Variants in OTUD7A observed in about 807,000 individuals in gnomAD.
The protein encoded by OTUD7A is OTU deubiquitinase 7A.
In OTUD7A, 12 loss-of-function variants were observed where a neutral mutation model predicts 65.7. The ratio of observed to expected loss-of-function variants is 0.18; its 90% CI spans 0.12 to 0.30. OTUD7A has a LOEUF of 0.30. Ranked by LOEUF, OTUD7A falls within the 10% of genes least tolerant of loss-of-function variation. The probability of loss-of-function intolerance (pLI) is 1.00; values close to 1 mark genes in which losing one functional copy is unlikely to be tolerated. For missense variants in OTUD7A, 1,148 were observed against 1,304.8 expected, an observed-to-expected ratio of 0.88 and a Z score of 1.85; for synonymous variants, 641 against 586.3, an observed-to-expected ratio of 1.09 and a Z score of -1.35.
intron 3 of OTUD7A, among the ~76,000 whole-genome samples, chr15:31,601,606 A>C (rs1050455705): frequency 6.6e-6 from 1 of 152,178 alleles, no homozygotes; most frequent in African/African-American, 2.4e-5. Context: ...AAAAACTAAG[A>C]TCAGAGCAGA....
intron 1 of OTUD7A, among the ~76,000 whole-genome samples, chr15:31,772,251 CAAAA>C (rs34676002): frequency 1.2e-5 from 1 of 80,688 alleles, no homozygotes. Context: ...GACTCCGTCT[CAAAA>C]AAAAAAAAAA....
intron 1 of OTUD7A, among the ~76,000 whole-genome samples, chr15:31,743,918 G>C (rs1048713969): frequency 2.0e-5 from 3 of 151,978 alleles, no homozygotes; most frequent in African/African-American, 7.3e-5. Flanking sequence ...CAGCATCACA[G>C]ATGAAGGAGG....
rs147658553 is a variant in OTUD7A at position 31,845,860 on chromosome 15, G to A, written c.-100+24647C>T. The stretch of plus-strand genomic sequence containing the variant: ...CAATCCACAGACCCGTTGGGGGTTG[G>A]TGGCTCCCCCATGCAGGAGGAGGTC... On this transcript the variant is annotated intron_variant, in intron 1 of 12. Coordinates refer to ENST00000307050, the MANE Select transcript of OTUD7A (RefSeq NM_001382637.1). 3.3e-4 allele frequency among the ~76,000 whole-genome samples: 50 copies of A among 152,342 alleles called. No individual in the cohort carries two copies. In the South Asian group the frequency reaches 5.6e-3, roughly 17 times the overall value.
intron 8 of OTUD7A, among the ~76,000 whole-genome samples, chr15:31,518,997 A>G (rs2041901985): frequency 6.6e-6 from 1 of 152,260 alleles, no homozygotes; most frequent in Non-Finnish European, 1.5e-5. Context: ...TAGGCTCTGA[A>G]AGACCTTCTA....
In OTUD7A at chr15:31,601,611, A is replaced by T. The variant is rs1008591909; in HGVS notation, c.152-31414T>A. Among the ~76,000 whole-genome samples, 3 of 152,220 alleles carry T rather than the reference A, an allele frequency of 2.0e-5. 1 individual carries two copies. The highest frequency in any genetic ancestry group is 4.4e-5 in the Non-Finnish European group (3 of 68,050). On this transcript the variant is annotated intron_variant, in intron 3 of 12. Coordinates refer to ENST00000307050, the MANE Select transcript of OTUD7A (RefSeq NM_001382637.1). ...GAAGACAAGAAAAAACTAAGATCAG[A>T]GCAGAACTGAAGGAGATAGAGACAC...
chr15:31,779,838 G>C (rs946585422), intron 1 of OTUD7A, among the ~76,000 whole-genome samples: 3 of 152,154 alleles, frequency 2.0e-5, no homozygotes, highest in Admixed American at 2.0e-4. Context: ...TCCTGGATCT[G>C]TTGTCGGTAA....
At chr15:31,571,970 T>G (rs1380708355) in intron 3 of OTUD7A, among the ~76,000 whole-genome samples, 8 of 152,214 alleles carry the variant, frequency 5.3e-5, no homozygotes, top group Non-Finnish European at 1.0e-4. Context: ...CTTCCTGCCC[T>G]TAAAACACAT....
intron 8 of OTUD7A, among the ~76,000 whole-genome samples, chr15:31,508,699 T>C (rs1292834506): frequency 6.6e-6 from 1 of 152,260 alleles, no homozygotes; most frequent in Admixed American, 6.5e-5. Context: ...ATTTTAGGGT[T>C]GGTACCTGTG....
At chr15:31,845,839 C>T (rs75643076) in intron 1 of OTUD7A, among the ~76,000 whole-genome samples, 2,057 of 152,346 alleles carry the variant, frequency 0.014, 23 homozygotes, top group Non-Finnish European at 0.022. Context: ...CACAGACAAT[C>T]CACAGACCCG....
At chr15:31,563,335 G>C (rs898761196) in intron 4 of OTUD7A, among the ~76,000 whole-genome samples, 2 of 152,180 alleles carry the variant, frequency 1.3e-5, no homozygotes, top group African/African-American at 2.4e-5. Context: ...GCACAAGACC[G>C]AGCCAAGGAC....
At chr15:31,531,993 A>G (rs1256409299) in intron 5 of OTUD7A, among the ~76,000 whole-genome samples, 1 of 152,224 alleles carries the variant, frequency 6.6e-6, no homozygotes, top group African/African-American at 2.4e-5. Context: ...CTGTACTTCA[A>G]TTACCCTCTG....
At chr15:31,619,381 C>T (rs376450170) in intron 3 of OTUD7A, among the ~76,000 whole-genome samples, 32 of 152,192 alleles carry the variant, frequency 2.1e-4, no homozygotes, top group South Asian at 1.2e-3. Flanking sequence ...GGCCATTTGA[C>T]GATATTGATT....
At chr15:31,636,609 T>G (rs1378984321) in intron 3 of OTUD7A, among the ~76,000 whole-genome samples, 3 of 152,078 alleles carry the variant, frequency 2.0e-5, no homozygotes, top group Non-Finnish European at 4.4e-5. Context: ...TTAAGCTTAG[T>G]GAGGAAGGCA....
chr15:31,664,258 A>C (rs1704443505), intron 1 of OTUD7A, among the ~76,000 whole-genome samples: 1 of 141,816 alleles, frequency 7.1e-6, no homozygotes, highest in South Asian at 2.1e-4. Flanking sequence ...ACTGTTTTCC[A>C]TAGTGGCTGC....
intron 3 of OTUD7A, among the ~76,000 whole-genome samples, chr15:31,591,591 C>T (rs1422640261): frequency 6.6e-6 from 1 of 152,162 alleles, no homozygotes; most frequent in Non-Finnish European, 1.5e-5. Flanking sequence ...CCAGCTCTCC[C>T]AGTTCTCCAG....
intron 1 of OTUD7A, among the ~76,000 whole-genome samples, chr15:31,696,225 A>AG (rs997776454): frequency 9.0e-5 from 12 of 132,670 alleles, no homozygotes; most frequent in Non-Finnish European, 2.0e-4. Context: ...CTCTCCACAG[A>AG]GGGGCAGCCG....
At chr15:31,547,192 C>T (rs1310560356) in intron 5 of OTUD7A, among the ~76,000 whole-genome samples, 1 of 120,872 alleles carries the variant, frequency 8.3e-6, no homozygotes. Flanking sequence ...CAGAAAACCC[C>T]AATTTGCAAA....
At chr15:31,567,741 C>T (rs7170222) in intron 4 of OTUD7A, among the ~76,000 whole-genome samples, 8,663 of 152,328 alleles carry the variant, frequency 0.057, 555 homozygotes, top group African/African-American at 0.15. Context: ...CCCAGGGCCC[C>T]GCTACCTTGT....
chr15:31,542,288 G>A (rs1822539721), intron 5 of OTUD7A, among the ~76,000 whole-genome samples: 1 of 151,972 alleles, frequency 6.6e-6, no homozygotes, highest in Non-Finnish European at 1.5e-5. Context: ...TGTTAAAAAT[G>A]TTTAAAATAC....
Sources: allele counts gnomAD v4.1 joint callset (sites outside exome capture counted in the v4.1 genomes callset), GRCh38; gene constraint gnomAD v4.1.1; transcripts MANE v1.5; gene names NCBI Gene and HGNC (gene_info 2026-07-23, HGNC 2026-07-21).